The following CRIPTO variants were observed in gnomAD, a reference collection of about 807,000 sequenced individuals.
CRIPTO encodes protein Cripto.
chr3:46,579,389 G>A, the CRIPTO span: 5 of 1,613,850 alleles, frequency 3.1e-6, no homozygotes, highest in Non-Finnish European at 4.2e-6. Flanking sequence ...TGACTTCGAT[G>A]CTTCTGCCCT....
chr3:46,576,357 A>C, the CRIPTO span, among the ~76,000 whole-genome samples: 1 of 151,540 alleles, frequency 6.6e-6, no homozygotes, highest in Non-Finnish European at 1.5e-5. Context: ...AATCCCAGCT[A>C]CTCAGGAGGT....
chr3:46,581,491 G>C, the CRIPTO span: 1 of 605,654 alleles, frequency 1.7e-6, no homozygotes, highest in Non-Finnish European at 2.9e-6. Context: ...TATCTCCATT[G>C]TGCCTAAGTC....
At chr3:46,578,659 C>A in the CRIPTO span, among the ~76,000 whole-genome samples, 6 of 152,052 alleles carry the variant, frequency 3.9e-5, no homozygotes. Context: ...GAGCCGAGAT[C>A]GCACCATTGC....
the CRIPTO span, chr3:46,578,031 T>C: frequency 1.9e-6 from 3 of 1,613,198 alleles, no homozygotes; most frequent in Non-Finnish European, 2.5e-6. Context: ...AATGTGAACT[T>C]TTTTTGATTG....
chr3:46,579,949 AG>A, the CRIPTO span: 1 of 1,614,218 alleles, frequency 6.2e-7, no homozygotes, highest in South Asian at 1.1e-5. Context: ...GTTCATTCTC[AG>A]GAACTGTGGG....
the CRIPTO span, chr3:46,582,401 A>G: frequency 4.6e-5 from 7 of 152,356 alleles, no homozygotes; most frequent in East Asian, 1.3e-3. Flanking sequence ...TGTAAAGCCC[A>G]TTTTTAAAAT....
At chr3:46,579,486 G>T in the CRIPTO span, 1 of 1,558,548 alleles carries the variant, frequency 6.4e-7, no homozygotes, top group Non-Finnish European at 8.8e-7. Context: ...GTGCTGGACT[G>T]CTTTTGGTTT....
At chr3:46,575,098 A>G in the CRIPTO span, among the ~76,000 whole-genome samples, 1 of 152,360 alleles carries the variant, frequency 6.6e-6, no homozygotes, top group Non-Finnish European at 1.5e-5. Context: ...GAGGCTGGCC[A>G]GCAGCCCAGT....
the CRIPTO span, among the ~76,000 whole-genome samples, chr3:46,576,621 G>T: frequency 1.3e-5 from 2 of 151,922 alleles, no homozygotes; most frequent in Admixed American, 1.3e-4. Flanking sequence ...TTTCTGCCGA[G>T]GCCTAAATCC....
At chr3:46,575,728 G>C in the CRIPTO span, among the ~76,000 whole-genome samples, 1 of 152,144 alleles carries the variant, frequency 6.6e-6, no homozygotes, top group African/African-American at 2.4e-5. Flanking sequence ...TCTGCCACAG[G>C]CCTGCCCAGT....
the CRIPTO span, chr3:46,580,091 C>T: frequency 1.2e-6 from 2 of 1,614,158 alleles, no homozygotes; most frequent in Non-Finnish European, 1.7e-6. Context: ...TTCTTTTGCC[C>T]TTTGAAGTTA....
chr3:46,579,147 G>A, the CRIPTO span: 28 of 1,614,094 alleles, frequency 1.7e-5, no homozygotes, highest in East Asian at 2.2e-5. Flanking sequence ...ATTAGTTGCC[G>A]GTGAGAGACC....
the CRIPTO span, among the ~76,000 whole-genome samples, chr3:46,578,633 G>A: frequency 6.6e-6 from 1 of 152,062 alleles, no homozygotes; most frequent in South Asian, 2.1e-4. Flanking sequence ...TGCTTGAACT[G>A]GGGAGGGGAG....
At chr3:46,580,122 C>T in the CRIPTO span, 1 of 1,609,248 alleles carries the variant, frequency 6.2e-7, no homozygotes, top group Non-Finnish European at 8.5e-7. Flanking sequence ...TTGGGGGGTG[C>T]TTAGTTAGCA....
the CRIPTO span, chr3:46,579,669 C>G: frequency 1.3e-6 from 2 of 1,514,626 alleles, no homozygotes; most frequent in South Asian, 2.2e-5. Context: ...TTGTATTAAC[C>G]TTCGCTTACA....
At chr3:46,576,107 G>A in the CRIPTO span, among the ~76,000 whole-genome samples, 55 of 152,278 alleles carry the variant, frequency 3.6e-4, no homozygotes, top group African/African-American at 1.3e-3. Context: ...AAATGTTGCT[G>A]CATCCCACCA....
the CRIPTO span, chr3:46,577,551 C>G: frequency 5.2e-5 from 10 of 191,042 alleles, no homozygotes; most frequent in Non-Finnish European, 9.7e-5. Context: ...TTTTTTTTCC[C>G]AAAAGAGTAC....
At chr3:46,579,494 T>C in the CRIPTO span, 2 of 1,518,184 alleles carry the variant, frequency 1.3e-6, no homozygotes, top group South Asian at 1.1e-5. Context: ...CTGCTTTTGG[T>C]TTTGGAAGTG....
the CRIPTO span, among the ~76,000 whole-genome samples, chr3:46,580,348 C>T: frequency 6.6e-6 from 1 of 152,158 alleles, no homozygotes; most frequent in African/African-American, 2.4e-5. Context: ...AAACAAGTCT[C>T]GGTCTCTTGT....
Sources: gnomAD v4.1 joint callset for allele counts (sites outside exome capture counted in the v4.1 genomes callset) on GRCh38, gnomAD v4.1.1 for gene constraint, MANE v1.5 for transcripts, NCBI Gene and HGNC (gene_info 2026-07-23, HGNC 2026-07-21) for gene names.